Variants in SEMA6A observed in about 807,000 individuals in gnomAD.
SEMA6A encodes the protein semaphorin-6A.
A neutral mutation model predicts 96.8 loss-of-function variants in SEMA6A; 25 were observed. That is an observed-to-expected ratio of 0.26 (90% CI 0.19 to 0.36). The LOEUF (loss-of-function observed/expected upper bound fraction) is 0.36. Among genes scored for constraint, SEMA6A ranks in the 10% least tolerant of loss-of-function variants. The pLI is 1.00. For synonymous variants in SEMA6A, 612 were observed against 518.0 expected (o/e 1.18, Z -2.46); for missense variants, 1,363 against 1,323.1 (o/e 1.03, Z -0.47).
chr5:116,502,461 A>G (rs1293595557), intron 2 of SEMA6A, 134 bp from the exon 3 acceptor site: 4 of 666,414 alleles, frequency 6.0e-6, no homozygotes, highest in Non-Finnish European at 1.1e-5. Flanking sequence ...TTCCATTTCC[A>G]TATGAGTCTG....
At chr5:116,566,652 C>T (rs1350116723) in intron 1 of SEMA6A, among the ~76,000 whole-genome samples, 1 of 152,164 alleles carries the variant, frequency 6.6e-6, no homozygotes, top group Non-Finnish European at 1.5e-5. Flanking sequence ...AATTTATTTC[C>T]CCTTCTGCTG....
intron 1 of SEMA6A, among the ~76,000 whole-genome samples, chr5:116,512,740 G>C (rs1758474240): frequency 6.6e-6 from 1 of 151,946 alleles, no homozygotes; most frequent in Non-Finnish European, 1.5e-5. Flanking sequence ...AGTTTACTTG[G>C]ATGTTTATTG....
At chr5:116,449,623 C>T (rs762646055) in intron 18 of SEMA6A, 29 of 392,274 alleles carry the variant, frequency 7.4e-5, no homozygotes, top group Non-Finnish European at 1.2e-4. Flanking sequence ...TCTTTCCTTC[C>T]TAAGGGTCCT....
intron 16 of SEMA6A, among the ~76,000 whole-genome samples, chr5:116,475,030 T>C (rs1756379789): frequency 6.6e-6 from 1 of 152,214 alleles, no homozygotes; most frequent in Admixed American, 6.5e-5. Context: ...TGAATTGCCT[T>C]GTACTTGTGG....
At chr5:116,490,748 C>G (rs1430595398) in intron 7 of SEMA6A, among the ~76,000 whole-genome samples, 1 of 152,122 alleles carries the variant, frequency 6.6e-6, no homozygotes, top group East Asian at 1.9e-4. Flanking sequence ...TAATCAAAGC[C>G]CTAGGGTCCC....
intron 1 of SEMA6A, among the ~76,000 whole-genome samples, chr5:116,559,887 T>C (rs1760753708): frequency 6.6e-6 from 1 of 152,234 alleles, no homozygotes; most frequent in South Asian, 2.1e-4. Flanking sequence ...AGCAGATTTA[T>C]ACTTCTAAAA....
intron 4 of SEMA6A, 73 bp from the exon 5 acceptor site, chr5:116,496,386 T>C (rs71581236): frequency 3.1e-6 from 4 of 1,279,704 alleles, no homozygotes; most frequent in African/African-American, 1.5e-5. Flanking sequence ...AAGAGTTCCC[T>C]TGGGGAGACT....
At chr5:116,527,228 T>A (rs1294803205) in intron 1 of SEMA6A, among the ~76,000 whole-genome samples, 1 of 152,070 alleles carries the variant, frequency 6.6e-6, no homozygotes, top group Non-Finnish European at 1.5e-5. Context: ...CAGTCATACT[T>A]AACATTATAT....
intron 17 of SEMA6A, among the ~76,000 whole-genome samples, chr5:116,470,533 C>T (rs1756060396): frequency 6.6e-6 from 1 of 151,966 alleles, no homozygotes; most frequent in Non-Finnish European, 1.5e-5. Context: ...GGTTAGATAC[C>T]CTTCATACTA....
Position 116,446,455 on chromosome 5 carries a change from G to C in SEMA6A, c.*158C>G. 1.7e-6 allele frequency: 1 copy of C among 586,892 alleles called. No individual in the cohort carries two copies. The highest frequency in any genetic ancestry group is 2.8e-6 in the Non-Finnish European group (1 of 360,284). The allele number at this position is 586,892 out of a possible 1,614,324, so 36.4% of individuals were successfully genotyped here. The stretch of plus-strand genomic sequence containing the variant: ...CCAAACCACGCGGCCCAGTTTTCGT[G>C]AGTACCCCTGTGTCCCAGAGAGGAG... On this transcript the variant is annotated 3_prime_UTR_variant, in exon 19 of 19. Transcript: ENST00000343348.
intron 16 of SEMA6A, among the ~76,000 whole-genome samples, chr5:116,474,457 T>G (rs775165081): frequency 3.4e-4 from 52 of 152,252 alleles, no homozygotes; most frequent in Non-Finnish European, 6.8e-4. Flanking sequence ...CCTATGCTTA[T>G]TTATTAACTC....
intron 1 of SEMA6A, among the ~76,000 whole-genome samples, chr5:116,573,325 G>A (rs978803932): frequency 6.6e-6 from 1 of 151,994 alleles, no homozygotes; most frequent in East Asian, 1.9e-4. Context: ...TTTCCAGAGC[G>A]AGACCGCGCT....
chr5:116,510,680 TGA>T (rs886164410), intron 1 of SEMA6A, among the ~76,000 whole-genome samples: 4 of 152,300 alleles, frequency 2.6e-5, no homozygotes, highest in African/African-American at 7.2e-5. Context: ...ACTGCTTCAG[TGA>T]GAGAAGTCTC....
chr5:116,539,259 C>A (rs1448972264), intron 1 of SEMA6A, among the ~76,000 whole-genome samples: 1 of 152,136 alleles, frequency 6.6e-6, no homozygotes. Flanking sequence ...TGGAGGCAAT[C>A]CTGGTTTGAT....
At chr5:116,448,222 T>C (rs1218685364) in intron 18 of SEMA6A, among the ~76,000 whole-genome samples, 1 of 148,086 alleles carries the variant, frequency 6.8e-6, no homozygotes, top group Non-Finnish European at 1.5e-5. Flanking sequence ...GGCGGGGGCT[T>C]GTGATCCTAG....
rs538953558 is a variant in SEMA6A, at chr5:116,479,418, A to T, written c.1251-700T>A. ...TAGACCCTCCTGCAAGTTATATACC[A>T]TGGTTTCCATTTTGTGTGCCAGAGC... On this transcript the variant is annotated intron_variant, in intron 12 of 18. Transcript: ENST00000343348. Among the ~76,000 whole-genome samples the T allele has an allele frequency of 5.9e-5, 9 of 152,316 alleles. No homozygotes were observed. The East Asian group carries it at 1.7e-3, about 29-fold the overall frequency.
chr5:116,562,670 A>G (rs1056529515), intron 1 of SEMA6A: 1 of 710,746 alleles, frequency 1.4e-6, no homozygotes, highest in African/African-American at 1.8e-5. Flanking sequence ...TGCACCCTTC[A>G]ATGACACTTT....
intron 1 of SEMA6A, among the ~76,000 whole-genome samples, chr5:116,564,302 C>T (rs1048281375): frequency 1.3e-5 from 2 of 152,176 alleles, no homozygotes; most frequent in African/African-American, 4.8e-5. Flanking sequence ...AGATTAGTCC[C>T]ATTTGTAAGG....
intron 18 of SEMA6A, among the ~76,000 whole-genome samples, chr5:116,465,064 G>C (rs866706314): frequency 1.3e-5 from 2 of 152,062 alleles, no homozygotes; most frequent in Non-Finnish European, 2.9e-5. Flanking sequence ...TGAGACAATC[G>C]ACCCAGTAGA....
Sources: allele counts gnomAD v4.1 joint callset (sites outside exome capture counted in the v4.1 genomes callset), GRCh38; gene constraint gnomAD v4.1.1; transcripts MANE v1.5; gene names NCBI Gene and HGNC (gene_info 2026-07-23, HGNC 2026-07-21).